Variants in MRC1 observed in about 807,000 individuals in gnomAD.
The protein encoded by MRC1 is macrophage mannose receptor 1.
In MRC1, 62 loss-of-function variants were observed where a neutral mutation model predicts 102.9. The observed-to-expected ratio is 0.60, with a 90% CI of 0.49 to 0.74. The LOEUF is 0.74. Among genes scored for constraint, MRC1 ranks in the 30% least tolerant of loss-of-function variants. MRC1 has a pLI of 0.00. For missense variants in MRC1, 1,237 were observed against 862.8 expected (o/e 1.43, Z -5.43); for synonymous variants, 457 against 298.4 (o/e 1.53, Z -5.48).
At chr10:17,841,624 CA>C (rs1838750808) in intron 5 of MRC1, among the ~76,000 whole-genome samples, 1 of 151,284 alleles carries the variant, frequency 6.6e-6, no homozygotes, top group Non-Finnish European at 1.5e-5. Context: ...TTAGAGAAAA[CA>C]AAAAAATGAT....
intron 5 of MRC1, among the ~76,000 whole-genome samples, chr10:17,844,727 T>G (rs1019965869): frequency 3.3e-5 from 5 of 152,162 alleles, no homozygotes; most frequent in Non-Finnish European, 7.3e-5. Context: ...TTTGTTACCC[T>G]CCATTCCTCC....
At chr10:17,827,413 A>T in intron 2 of MRC1, 129 bp from the exon 3 acceptor site, 1 of 394,366 alleles carries the variant, frequency 2.5e-6, no homozygotes, top group Non-Finnish European at 4.8e-6. Context: ...AAAAAAAAGA[A>T]ATCCCTCTGT....
intron 5 of MRC1, 147 bp from the exon 6 acceptor site, chr10:17,845,142 A>C (rs781949172): frequency 2.6e-6 from 2 of 779,320 alleles, no homozygotes; most frequent in Non-Finnish European, 4.8e-6. Context: ...CTCTGCAGTC[A>C]GTAAATATTT....
rs1285188554 is a variant in MRC1, at chr10:17,849,564, C to CA, written c.1064-15_1064-14insA. 7 of 776,962 alleles carry CA rather than the reference C, an allele frequency of 9.0e-6. No individual in the cohort carries two copies. The highest frequency in any genetic ancestry group is 6.8e-5 in the Admixed American group (4 of 58,554). The allele number at this position is 776,962 out of a possible 1,614,324, so 48.1% of individuals were successfully genotyped here. On this transcript the variant is annotated splice_polypyrimidine_tract_variant and intron_variant, in intron 6 of 29. Transcript: ENST00000569591. ...TCTTTTAAAATTTTTTTCCGACCCC[C>CA]CTTTTTGTTTCTAGAAAGTGATGTG... is the stretch of plus-strand genomic sequence containing the variant.
intron 1 of MRC1, among the ~76,000 whole-genome samples, chr10:17,813,464 G>A (rs1441084138): frequency 6.6e-6 from 1 of 151,948 alleles, no homozygotes; most frequent in African/African-American, 2.4e-5. Flanking sequence ...ATAAATGTAT[G>A]TCTTATGGTA....
chr10:17,852,844 A>G, intron 7 of MRC1, 123 bp from the exon 8 acceptor site: 1 of 766,438 alleles, frequency 1.3e-6, no homozygotes, highest in Non-Finnish European at 2.4e-6. Flanking sequence ...ATCTTTCATG[A>G]TGGTGATCAT....
intron 5 of MRC1, among the ~76,000 whole-genome samples, chr10:17,844,379 G>A (rs1554840070): frequency 0.025 from 3,723 of 151,758 alleles, 64 homozygotes; most frequent in Non-Finnish European, 0.037. Flanking sequence ...CCAGCTCCCC[G>A]GCCGATTTTT....
chr10:17,881,560 T>G (rs1424748096), intron 21 of MRC1, among the ~76,000 whole-genome samples: 1 of 151,926 alleles, frequency 6.6e-6, no homozygotes, highest in Non-Finnish European at 1.5e-5. Flanking sequence ...CTTCTAAGAA[T>G]AAGATGTAAA....
In MRC1 at chr10:17,840,742, G is replaced by A. The variant is rs1838737365; in HGVS notation, c.852G>A (p.Leu284=). Residue 284 remains leucine (L), a synonymous_variant, in exon 5 of 30, where the codon CTG becomes CTA. Transcript: ENST00000569591. The part of the protein sequence containing the change: ...TSGLWIGLNS[L]SFNSGWQWSD... ...GACTCTGGATTGGACTTAACAGTCT[G>A]AGCTTCAACAGCGGTTGGCAGTGGA... 1 of 780,870 alleles carries A rather than the reference G, an allele frequency of 1.3e-6. No homozygotes were observed. The highest frequency in any genetic ancestry group is 1.7e-5 in the Admixed American group (1 of 59,026). The allele number at this position is 780,870 out of a possible 1,614,324, so 48.4% of individuals were successfully genotyped here.
chr10:17,883,470 GTT>G (rs1214384820), intron 21 of MRC1, among the ~76,000 whole-genome samples: 2 of 141,350 alleles, frequency 1.4e-5, no homozygotes, highest in African/African-American at 2.6e-5. Context: ...CGGTGGAAGA[GTT>G]TTTTTTTTTT....
intron 9 of MRC1, among the ~76,000 whole-genome samples, chr10:17,860,822 A>G (rs1833173313): frequency 6.6e-6 from 1 of 152,184 alleles, no homozygotes; most frequent in East Asian, 1.9e-4. Flanking sequence ...TTTTCGTTGC[A>G]AGATACATTA....
chr10:17,814,940 ACAGGCGGGAGC>A (rs1838287741), intron 1 of MRC1, among the ~76,000 whole-genome samples: 1 of 151,966 alleles, frequency 6.6e-6, no homozygotes, highest in Non-Finnish European at 1.5e-5. Context: ...TGCCGGGATT[ACAGGCGGGAGC>A]CACCGTGCCT....
chr10:17,904,848 T>C (rs1411866792), intron 26 of MRC1, among the ~76,000 whole-genome samples: 1 of 152,224 alleles, frequency 6.6e-6, no homozygotes, highest in Admixed American at 6.5e-5. Context: ...TTCCCCGGAA[T>C]TTGTCAATGC....
rs1324403365 is a variant in MRC1, at chr10:17,827,407, A to G, written c.464-135A>G. ...AAAAAAAAAAAAAAAAAAAAAAAAA[A>G]AAAGAAATCCCTCTGTGGGTGCATC... is the stretch of plus-strand genomic sequence containing the variant. On this transcript the variant is annotated intron_variant, in intron 2 of 29. Coordinates refer to ENST00000569591, the MANE Select transcript of MRC1 (RefSeq NM_002438.4). 22 of 305,600 alleles carry G rather than the reference A, an allele frequency of 7.2e-5. 1 individual carries two copies. Among genetic ancestry groups the G allele is most frequent in the Admixed American group, 1.9e-4 (4 of 21,372 alleles). The allele number at this position is 305,600 out of a possible 1,614,324, so 18.9% of individuals were successfully genotyped here.
chr10:17,865,170 C>T (rs1052847022), intron 11 of MRC1, among the ~76,000 whole-genome samples: 63 of 152,228 alleles, frequency 4.1e-4, no homozygotes, highest in African/African-American at 1.4e-3. Flanking sequence ...AATAATAGCT[C>T]GAGTCTATCA....
intron 26 of MRC1, among the ~76,000 whole-genome samples, chr10:17,903,773 C>A (rs1412023498): frequency 2.0e-5 from 3 of 151,938 alleles, no homozygotes; most frequent in Non-Finnish European, 4.4e-5. Context: ...GGGATTACAA[C>A]TAACATGTTA....
At chr10:17,850,106 T>C (rs1838891077) in intron 7 of MRC1, among the ~76,000 whole-genome samples, 1 of 152,162 alleles carries the variant, frequency 6.6e-6, no homozygotes, top group South Asian at 2.1e-4. Context: ...CTTGGAATTA[T>C]CTGTGTGTGT....
intron 1 of MRC1, among the ~76,000 whole-genome samples, chr10:17,816,671 G>C (rs926156507): frequency 6.6e-6 from 1 of 152,208 alleles, no homozygotes; most frequent in South Asian, 2.1e-4. Context: ...CCTAAACAGC[G>C]AAGGCCGAGG....
intron 25 of MRC1, among the ~76,000 whole-genome samples, chr10:17,901,629 C>T (rs981708291): frequency 7.3e-5 from 11 of 151,570 alleles, no homozygotes; most frequent in African/African-American, 2.2e-4. Context: ...GCAGAGGTTG[C>T]GGTGAGACAA....
Sources: gnomAD v4.1 joint callset for allele counts (sites outside exome capture counted in the v4.1 genomes callset) on GRCh38, gnomAD v4.1.1 for gene constraint, MANE v1.5 for transcripts, NCBI Gene and HGNC (gene_info 2026-07-23, HGNC 2026-07-21) for gene names.